CBLB: variants seen among roughly 807,000 people sequenced by gnomAD.
The protein encoded by CBLB is E3 ubiquitin-protein ligase CBL-B.
A neutral mutation model predicts 104.9 loss-of-function variants in CBLB; 31 were observed. That is an observed-to-expected ratio of 0.30 (90% confidence interval 0.22 to 0.40). The LOEUF is 0.40. Ranked by LOEUF, CBLB falls within the 10% of genes least tolerant of loss-of-function variation. CBLB has a pLI of 1.00. For missense variants in CBLB, 1,062 were observed against 1,214.6 expected, an observed-to-expected ratio of 0.87 and a Z score of 1.87; for synonymous variants, 440 against 422.6, an observed-to-expected ratio of 1.04 and a Z score of -0.51.
chr3:105,720,131 G>A lies in CBLB; in HGVS notation c.1323C>T (p.Pro441=), dbSNP rs1300766851. ...EGSRCCSIID[P]FGMPMLDLDD... ...CCAAGTCTAGCATCGGCATGCCAAAGGGGTCAATGATGCTGCAACACCTGG... is the reference window on the plus strand; with the variant it reads ...CCAAGTCTAGCATCGGCATGCCAAAAGGGTCAATGATGCTGCAACACCTGG... The change falls in exon 10 of 19, where the codon CCC becomes CCT. Residue 441 remains proline (P), a synonymous_variant. Coordinates refer to ENST00000394030, the MANE Select transcript of CBLB (RefSeq NM_170662.5). 3 of 1,613,940 alleles carry A rather than the reference G, an allele frequency of 1.9e-6. No homozygotes were observed. The highest frequency in any genetic ancestry group is 1.6e-4 in the Middle Eastern group (1 of 6,062).
At chr3:105,719,628 A>G (rs1450071690) in intron 10 of CBLB, among the ~76,000 whole-genome samples, 1 of 152,232 alleles carries the variant, frequency 6.6e-6, no homozygotes. Context: ...TATAGCACAT[A>G]TACTTGTGTA....
At chr3:105,834,303 A>G (rs184055771) in intron 3 of CBLB, among the ~76,000 whole-genome samples, 2 of 152,336 alleles carry the variant, frequency 1.3e-5, no homozygotes, top group African/African-American at 2.4e-5. Context: ...GCCATTCCAC[A>G]ATGTATACAT....
intron 4 of CBLB, among the ~76,000 whole-genome samples, chr3:105,759,954 C>G (rs570717842): frequency 2.6e-5 from 4 of 152,336 alleles, no homozygotes; most frequent in Admixed American, 6.5e-5. Context: ...TCCAGATGGG[C>G]AGCTGGGGCC....
At chr3:105,847,245 A>C (rs926353434) in intron 3 of CBLB, among the ~76,000 whole-genome samples, 3 of 152,056 alleles carry the variant, frequency 2.0e-5, no homozygotes, top group African/African-American at 7.2e-5. Context: ...GCAGATTACA[A>C]ATTATTCTTT....
intron 9 of CBLB, among the ~76,000 whole-genome samples, chr3:105,722,198 C>CAAAAAAAAAAAAA (rs5851468): frequency 2.4e-5 from 2 of 84,416 alleles, no homozygotes; most frequent in African/African-American, 4.7e-5. Flanking sequence ...GACCCCGTGC[C>CAAAAAAAAAAAAA]AAAAAAAAAA....
At chr3:105,724,399 G>T (rs968961887) in intron 9 of CBLB, among the ~76,000 whole-genome samples, 5 of 152,086 alleles carry the variant, frequency 3.3e-5, no homozygotes, top group Admixed American at 6.6e-5. Flanking sequence ...TCTGAATTAG[G>T]ATACTTGGAC....
At chr3:105,809,612 C>G (rs1330619957) in intron 3 of CBLB, among the ~76,000 whole-genome samples, 1 of 152,168 alleles carries the variant, frequency 6.6e-6, no homozygotes, top group Non-Finnish European at 1.5e-5. Flanking sequence ...CTGCTTTATG[C>G]TTACTCTTTT....
chr3:105,851,960 A>G (rs1480269336), intron 3 of CBLB, among the ~76,000 whole-genome samples: 1 of 152,174 alleles, frequency 6.6e-6, no homozygotes, highest in Non-Finnish European at 1.5e-5. Flanking sequence ...GGTGTAAACA[A>G]ATCTACTGTG....
intron 3 of CBLB, among the ~76,000 whole-genome samples, chr3:105,840,977 T>C (rs4243427): frequency 0.67 from 101,099 of 151,930 alleles, 34,881 homozygotes; most frequent in Middle Eastern, 0.8. Flanking sequence ...TATTAAAGTT[T>C]TTTTTCTAAT....
chr3:105,679,812 T>C (rs557442845), intron 16 of CBLB, among the ~76,000 whole-genome samples: 1 of 152,242 alleles, frequency 6.6e-6, no homozygotes, highest in South Asian at 2.1e-4. Flanking sequence ...GAACTTGCTT[T>C]AGAAAAAATT....
rs1489377515 is a variant in CBLB, at chr3:105,720,268, G to T, written c.1204-18C>A. 2 of 1,594,216 alleles carry T rather than the reference G, an allele frequency of 1.3e-6. No homozygotes were observed. The highest frequency in any genetic ancestry group is 1.3e-5 in the African/African-American group (1 of 74,682). ...TCCGACTCCTAAACAAATAGAAAAT[G>T]CATGGATTGGTTTTGTTCAAAATAA... On this transcript the variant is annotated intron_variant, in intron 9 of 18. Coordinates refer to ENST00000394030, the MANE Select transcript of CBLB (RefSeq NM_170662.5).
At chr3:105,859,470 T>C (rs983464132) in intron 2 of CBLB, among the ~76,000 whole-genome samples, 6 of 152,070 alleles carry the variant, frequency 3.9e-5, no homozygotes, top group African/African-American at 1.4e-4. Context: ...GCTAACACGG[T>C]GAAACCCTGT....
chr3:105,780,590 C>A (rs1038738570), intron 3 of CBLB, among the ~76,000 whole-genome samples: 8 of 150,946 alleles, frequency 5.3e-5, no homozygotes, highest in African/African-American at 1.9e-4. Flanking sequence ...TTAACCATCA[C>A]ATTTATTCAT....
chr3:105,795,023 C>T (rs1577257805), intron 3 of CBLB, among the ~76,000 whole-genome samples: 1 of 151,922 alleles, frequency 6.6e-6, no homozygotes, highest in Admixed American at 6.6e-5. Context: ...AAGAGATTCC[C>T]CTGCCTCAGC....
intron 4 of CBLB, among the ~76,000 whole-genome samples, chr3:105,771,990 C>G (rs910443520): frequency 1.3e-5 from 2 of 152,124 alleles, no homozygotes; most frequent in African/African-American, 4.8e-5. Context: ...CATCAAAATA[C>G]CATCAACATT....
intron 13 of CBLB, 72 bp downstream of exon 13, chr3:105,693,422 G>C (rs903401514): frequency 2.4e-6 from 2 of 822,622 alleles, no homozygotes. Flanking sequence ...TGTCTGTACT[G>C]AGAACCTCTC....
chr3:105,720,641 A>G (rs2072674277), intron 9 of CBLB, among the ~76,000 whole-genome samples: 1 of 152,226 alleles, frequency 6.6e-6, no homozygotes, highest in South Asian at 2.1e-4. Flanking sequence ...ATAAAAAAGT[A>G]TATTTTGGTA....
chr3:105,823,160 T>G (rs2086116400), intron 3 of CBLB, among the ~76,000 whole-genome samples: 1 of 152,212 alleles, frequency 6.6e-6, no homozygotes, highest in Non-Finnish European at 1.5e-5. Flanking sequence ...ATGCAAACAT[T>G]GTCTCTGACA....
chr3:105,695,968 T>C lies in CBLB; in HGVS notation c.1960-2380A>G, dbSNP rs538835614. Among the ~76,000 whole-genome samples, 66 of 151,848 alleles carry C rather than the reference T, an allele frequency of 4.3e-4. 1 individual carries two copies. The highest frequency in any genetic ancestry group is 3.4e-3 in the Middle Eastern group (1 of 294). On this transcript the variant is annotated intron_variant, in intron 12 of 18. Transcript: ENST00000394030. The stretch of plus-strand genomic sequence containing the variant: ...GAAGTATTAACTAGTGAAATCACTT[T>C]CCTTAGGTTTAGCTGAAAGAAATTC...
Sources: allele counts gnomAD v4.1 joint callset (sites outside exome capture counted in the v4.1 genomes callset), GRCh38; gene constraint gnomAD v4.1.1; transcripts MANE v1.5; gene names NCBI Gene and HGNC (gene_info 2026-07-23, HGNC 2026-07-21).